Variants in PRKG1 observed in about 807,000 individuals in gnomAD.
PRKG1 encodes protein kinase cGMP-dependent 1.
A neutral mutation model predicts 88.1 loss-of-function variants in PRKG1; 35 were observed. That is an observed-to-expected ratio of 0.40 (90% CI 0.30 to 0.53). PRKG1 has a LOEUF of 0.53. Ranked by LOEUF, PRKG1 falls within the 20% of genes least tolerant of loss-of-function variation. The pLI, the probability that PRKG1 is intolerant of heterozygous loss-of-function variation, is 0.59. For missense variants in PRKG1, 540 were observed against 839.8 expected (o/e 0.64, Z 4.41); for synonymous variants, 303 against 292.5 (o/e 1.04, Z -0.37).
intron 3 of PRKG1, among the ~76,000 whole-genome samples, chr10:51,611,651 ATTT>A (rs763522591): frequency 2.3e-5 from 3 of 129,108 alleles, no homozygotes; most frequent in Admixed American, 7.8e-5. Flanking sequence ...CCATTTGTCT[ATTT>A]TTTTTTTTTT....
intron 3 of PRKG1, among the ~76,000 whole-genome samples, chr10:51,628,118 ATTTCTCTTTCTTTCTTTC>A (rs1839415960): frequency 4.1e-5 from 2 of 48,206 alleles, no homozygotes; most frequent in East Asian, 4.8e-4. Context: ...TTCCTTCTTT[ATTTCTCTTTCTTTCTTTC>A]TTTCTTTCTT....
At chr10:51,513,095 G>A (rs1368068574) in intron 3 of PRKG1, among the ~76,000 whole-genome samples, 1 of 151,742 alleles carries the variant, frequency 6.6e-6, no homozygotes, top group Non-Finnish European at 1.5e-5. Context: ...CTGGATATTA[G>A]CCCCCATCTC....
chr10:51,011,454 A>G (rs538335600), intron 1 of PRKG1, among the ~76,000 whole-genome samples: 1 of 152,336 alleles, frequency 6.6e-6, no homozygotes, highest in South Asian at 2.1e-4. Context: ...CGAAGAATTA[A>G]TGGAAAAATT....
chr10:51,261,135 G>T lies in PRKG1; in HGVS notation c.478+107805G>T, dbSNP rs576661585. On this transcript the variant is annotated intron_variant, in intron 2 of 17. Transcript: ENST00000373980. ...AGATATTATTAAATACAAATGGAGAGAATTTTGAAATTATTGAACAGGCTG... is the reference window on the plus strand; with the variant it reads ...AGATATTATTAAATACAAATGGAGATAATTTTGAAATTATTGAACAGGCTG... Among the ~76,000 whole-genome samples, 4 of 152,252 alleles carry T rather than the reference G, an allele frequency of 2.6e-5. No individual in the cohort carries two copies. The East Asian group carries it at 7.7e-4, about 29-fold the overall frequency.
intron 1 of PRKG1, among the ~76,000 whole-genome samples, chr10:51,152,151 A>G (rs1015211689): frequency 3.9e-5 from 6 of 152,090 alleles, no homozygotes; most frequent in Admixed American, 3.9e-4. Context: ...ATTCTTAGAA[A>G]GTCATTTGGA....
In PRKG1 at chr10:51,000,268, C is replaced by T. The variant is rs556097525; in HGVS notation, c.266+8624C>T. 7.2e-5 allele frequency among the ~76,000 whole-genome samples: 11 copies of T among 152,304 alleles called. No homozygotes were observed. The South Asian group carries it at 1.7e-3, about 23-fold the overall frequency. ...TCACAGGCACCTCCCGAGGGATAGC[C>T]ATTTTCTTGCATTCCAGTTGGCTTT... On this transcript the variant is annotated intron_variant, in intron 1 of 17. Transcript: ENST00000401604.
chr10:51,918,145 G>C (rs1842383741), intron 5 of PRKG1, among the ~76,000 whole-genome samples: 1 of 152,096 alleles, frequency 6.6e-6, no homozygotes, highest in African/African-American at 2.4e-5. Flanking sequence ...CTGAGCCTCA[G>C]ATAACACAGC....
chr10:51,672,934 A>G (rs150201823), intron 3 of PRKG1, among the ~76,000 whole-genome samples: 2,095 of 152,254 alleles, frequency 0.014, 19 homozygotes, highest in Non-Finnish European at 0.021. Context: ...AAACTTTCAT[A>G]GGCACATGAT....
At chr10:51,804,721 G>A (rs1008716335) in intron 4 of PRKG1, 31 bp downstream of exon 4, 2 of 1,447,554 alleles carry the variant, frequency 1.4e-6, no homozygotes, top group South Asian at 2.3e-5. Context: ...TTGTGAGAGT[G>A]TTTACTTTCC....
chr10:52,271,559 A>G, intron 11 of PRKG1, 70 bp downstream of exon 11: 6 of 1,528,594 alleles, frequency 3.9e-6, no homozygotes, highest in Non-Finnish European at 5.3e-6. Flanking sequence ...ACCCTCTGCC[A>G]CTTGTGCTCA....
At chr10:52,132,941 T>C (rs1837306360) in intron 7 of PRKG1, among the ~76,000 whole-genome samples, 1 of 152,096 alleles carries the variant, frequency 6.6e-6, no homozygotes, top group Admixed American at 6.5e-5. Flanking sequence ...ATTTATCCTT[T>C]GAGTTACAAA....
chr10:51,171,694 G>GGGGA (rs1350876878), intron 2 of PRKG1, among the ~76,000 whole-genome samples: 13 of 152,124 alleles, frequency 8.5e-5, no homozygotes, highest in African/African-American at 2.7e-4. Context: ...AAAAATTTGT[G>GGGGA]GGGATTTCTT....
chr10:51,409,026 A>T (rs879672937), intron 2 of PRKG1, among the ~76,000 whole-genome samples: 9 of 152,174 alleles, frequency 5.9e-5, no homozygotes, highest in Non-Finnish European at 1.3e-4. Flanking sequence ...ACAGCCCATG[A>T]ATCAGTATAT....
intron 5 of PRKG1, among the ~76,000 whole-genome samples, chr10:52,035,549 G>C (rs953834913): frequency 7.9e-5 from 12 of 152,114 alleles, no homozygotes; most frequent in Non-Finnish European, 1.5e-4. Context: ...GAAGAGGAAA[G>C]AAGGAAATTT....
rs115384247 is a variant in PRKG1, at chr10:51,557,216, G to A, written c.592+89380G>A. On this transcript the variant is annotated intron_variant, in intron 3 of 17. Transcript: ENST00000373980. ...GAAACTCTGTAATATCTCTAATATT[G>A]CAGATTAAGAAATGCTGCTGGGTTA... Among the ~76,000 whole-genome samples the A allele has an allele frequency of 4.6e-3, 703 of 151,934 alleles. 7 individuals are homozygous for A. The highest frequency in any genetic ancestry group is 0.016 in the African/African-American group (661 of 41,446).
At chr10:51,807,060 T>C (rs965746646) in intron 4 of PRKG1, among the ~76,000 whole-genome samples, 1 of 152,200 alleles carries the variant, frequency 6.6e-6, no homozygotes, top group African/African-American at 2.4e-5. Flanking sequence ...TTATTGTAAT[T>C]TGACCTTAAG....
chr10:51,605,283 C>T (rs1838733898), intron 3 of PRKG1, among the ~76,000 whole-genome samples: 1 of 152,118 alleles, frequency 6.6e-6, no homozygotes, highest in South Asian at 2.1e-4. Flanking sequence ...GAAAATGCAA[C>T]ATTTGGGCAT....
chr10:51,651,534 A>G (rs1408007908), intron 3 of PRKG1, among the ~76,000 whole-genome samples: 1 of 147,086 alleles, frequency 6.8e-6, no homozygotes, highest in African/African-American at 2.5e-5. Flanking sequence ...TTAGCATTCT[A>G]TTTCCCTCAT....
chr10:51,149,950 G>T (rs1904699), intron 1 of PRKG1, among the ~76,000 whole-genome samples: 81,761 of 151,904 alleles, frequency 0.54, 23,224 homozygotes, highest in African/African-American at 0.74. Context: ...ACAATTCAAT[G>T]ATGACAAAGG....
Sources: allele counts gnomAD v4.1 joint callset (sites outside exome capture counted in the v4.1 genomes callset), GRCh38; gene constraint gnomAD v4.1.1; transcripts MANE v1.5; gene names NCBI Gene and HGNC (gene_info 2026-07-23, HGNC 2026-07-21).